TCERG1L: variants seen among roughly 807,000 people sequenced by gnomAD.
The protein encoded by TCERG1L is transcription elongation regulator 1 like, also known as transcription elongation regulator 1-like protein.
TCERG1L carries 37 observed loss-of-function variants against 56.3 expected under a neutral mutation model. The observed-to-expected ratio is 0.66, with a 90% CI of 0.51 to 0.87. TCERG1L has a LOEUF of 0.87. Among genes scored for constraint, TCERG1L ranks in the 40% least tolerant of loss-of-function variants. The pLI is 0.00. For synonymous variants in TCERG1L, 324 were observed against 326.3 expected, an observed-to-expected ratio of 0.99 and a Z score of 0.08; for missense variants, 799 against 774.2, an observed-to-expected ratio of 1.03 and a Z score of -0.38.
chr10:131,254,609 T>A (rs1187837047), intron 4 of TCERG1L, among the ~76,000 whole-genome samples: 1 of 152,032 alleles, frequency 6.6e-6, no homozygotes, highest in Non-Finnish European at 1.5e-5. Flanking sequence ...AGTCCACAGA[T>A]CTTGGTTTGG....
chr10:131,180,826 GA>G (rs1845166404), intron 4 of TCERG1L, among the ~76,000 whole-genome samples: 1 of 129,834 alleles, frequency 7.7e-6, no homozygotes, highest in African/African-American at 2.5e-5. Context: ...TATCAAATAA[GA>G]ACGTTTTTGT....
chr10:131,306,810 T>C (rs1204104543), intron 3 of TCERG1L, among the ~76,000 whole-genome samples: 1 of 152,104 alleles, frequency 6.6e-6, no homozygotes, highest in East Asian at 1.9e-4. Context: ...CTATGAGAGG[T>C]GGCCATAAGC....
rs12268550 is a variant in TCERG1L, at chr10:131,164,463, A to T, written c.946-1253T>A. ...AGAACCATATATCACAAAGAGAAAT[A>T]AAAAAATCAGGAAGTATCACCAGAA... On this transcript the variant is annotated intron_variant, in intron 5 of 11. Coordinates refer to ENST00000368642, the MANE Select transcript of TCERG1L (RefSeq NM_174937.4). Among the ~76,000 whole-genome samples the T allele has an allele frequency of 7.5e-3, 1,135 of 152,302 alleles. 13 individuals carry two copies. The highest frequency in any genetic ancestry group is 0.025 in the African/African-American group (1,027 of 41,566).
chr10:131,256,992 G>GGAAGGAAAGAAA (rs1846173015), intron 4 of TCERG1L, among the ~76,000 whole-genome samples: 57 of 59,178 alleles, frequency 9.6e-4, no homozygotes, highest in East Asian at 4.0e-3. Flanking sequence ...AAGGAAGGAA[G>GGAAGGAAAGAAA]GAAAGAAAGA....
intron 4 of TCERG1L, among the ~76,000 whole-genome samples, chr10:131,249,782 C>T (rs1003571711): frequency 1.3e-5 from 2 of 152,202 alleles, no homozygotes; most frequent in Non-Finnish European, 2.9e-5. Flanking sequence ...TACTGGCTTG[C>T]TTAACCTGAG....
At chr10:131,208,161 A>T (rs1299431438) in intron 4 of TCERG1L, among the ~76,000 whole-genome samples, 1 of 152,174 alleles carries the variant, frequency 6.6e-6, no homozygotes, top group Non-Finnish European at 1.5e-5. Flanking sequence ...GTCACTAGTC[A>T]CCTGTGATCT....
chr10:131,236,421 C>T (rs10741247), intron 4 of TCERG1L, among the ~76,000 whole-genome samples: 68,883 of 152,016 alleles, frequency 0.45, 16,027 homozygotes, highest in African/African-American at 0.56. Flanking sequence ...CATTCCAGGG[C>T]CACCAAGCCT....
chr10:131,180,542 G>C (rs1845161886), intron 4 of TCERG1L, among the ~76,000 whole-genome samples: 1 of 152,112 alleles, frequency 6.6e-6, no homozygotes, highest in Middle Eastern at 3.2e-3. Context: ...ATTTATTTTA[G>C]GCTACCATCT....
chr10:131,179,941 A>G (rs966458290), intron 4 of TCERG1L, among the ~76,000 whole-genome samples: 3 of 152,200 alleles, frequency 2.0e-5, no homozygotes, highest in Admixed American at 6.5e-5. Flanking sequence ...GTTGACTTCC[A>G]GACAAAGAGC....
intron 4 of TCERG1L, among the ~76,000 whole-genome samples, chr10:131,183,836 C>A (rs1845207688): frequency 6.6e-6 from 1 of 152,214 alleles, no homozygotes; most frequent in Non-Finnish European, 1.5e-5. Context: ...GCGCGTGTGT[C>A]TGCCTCCTTC....
chr10:131,225,883 GA>G (rs1271572655), intron 4 of TCERG1L, among the ~76,000 whole-genome samples: 6 of 152,326 alleles, frequency 3.9e-5, no homozygotes, highest in Non-Finnish European at 7.3e-5. Context: ...GAAACCACTT[GA>G]AAAATACACA....
At chr10:131,285,831 T>C (rs1464465694) in intron 3 of TCERG1L, among the ~76,000 whole-genome samples, 1 of 152,040 alleles carries the variant, frequency 6.6e-6, no homozygotes, top group Non-Finnish European at 1.5e-5. Flanking sequence ...AAAAAATTCA[T>C]CCCTAAAATA....
At position 131,285,670 on chromosome 10, in the gene TCERG1L, T is replaced by C. The variant is rs1054139843; in HGVS notation, c.670+22541A>G. 1.8e-4 allele frequency among the ~76,000 whole-genome samples: 27 copies of C among 152,148 alleles called. 1 individual carries two copies. The highest frequency in any genetic ancestry group is 5.3e-4 in the African/African-American group (22 of 41,446). On this transcript the variant is annotated intron_variant, in intron 3 of 11. Transcript: ENST00000368642. ...ATAGAGATAAGTGCAGCATTGTGTA[T>C]ATGAAAAGGGCAATTCAACATGAAG...
In TCERG1L at chr10:131,260,127, G is replaced by A. The variant is rs578058453; in HGVS notation, c.856+132C>T. 64 of 1,233,108 alleles carry A rather than the reference G, an allele frequency of 5.2e-5. No homozygotes were observed. In the African/African-American group the frequency reaches 8.2e-4, roughly 16 times the overall value. 76.4% of individuals were successfully genotyped at this position (1,233,108 alleles called of 1,614,324 possible). A position where few individuals can be genotyped will look rare whatever the true frequency, so the allele number is the denominator to read the frequency against. On this transcript the variant is annotated intron_variant, in intron 4 of 11. Coordinates refer to ENST00000368642, the MANE Select transcript of TCERG1L (RefSeq NM_174937.4). This position sits in a 1 kb window ranked among gnomAD's most constrained non-coding sequence, Gnocchi z 5.8. The stretch of plus-strand genomic sequence containing the variant: ...AAGCAAAGCCCAAACGGCCCCAGCC[G>A]AATGTTTCCCTCAACCGGAGCCGGG...
At chr10:131,179,808 T>G (rs1270627779) in intron 4 of TCERG1L, among the ~76,000 whole-genome samples, 1 of 152,140 alleles carries the variant, frequency 6.6e-6, no homozygotes, top group Non-Finnish European at 1.5e-5. Flanking sequence ...TGAGGGGTAG[T>G]AGGCTCTGCG....
At chr10:131,196,932 C>A (rs1322027831) in intron 4 of TCERG1L, among the ~76,000 whole-genome samples, 1 of 152,136 alleles carries the variant, frequency 6.6e-6, no homozygotes, top group Non-Finnish European at 1.5e-5. Flanking sequence ...CCCTGACTTG[C>A]CCCCTAAAAT....
chr10:131,309,346 C>T, intron 1 of TCERG1L, 47 bp from the exon 2 acceptor site: 1 of 1,553,208 alleles, frequency 6.4e-7, no homozygotes, highest in Non-Finnish European at 8.6e-7. Flanking sequence ...TGAATCCATC[C>T]ACTCGACTTC....
intron 10 of TCERG1L, among the ~76,000 whole-genome samples, chr10:131,101,305 C>T (rs1358235070): frequency 1.3e-5 from 2 of 152,214 alleles, no homozygotes; most frequent in Non-Finnish European, 2.9e-5. Flanking sequence ...GCAGACTGGG[C>T]CCCTGTGTTC....
chr10:131,102,883 G>A (rs1845317514), intron 10 of TCERG1L, among the ~76,000 whole-genome samples: 1 of 152,072 alleles, frequency 6.6e-6, no homozygotes, highest in African/African-American at 2.4e-5. Flanking sequence ...GGCCCCTCCT[G>A]TGAGCCAACA....
Sources: gnomAD v4.1 joint callset for allele counts (sites outside exome capture counted in the v4.1 genomes callset) on GRCh38, gnomAD v4.1.1 for gene constraint, Gnocchi (gnomAD v3.1) non-coding constraint, MANE v1.5 for transcripts, NCBI Gene and HGNC (gene_info 2026-07-23, HGNC 2026-07-21) for gene names.